The following EYS variants were observed in gnomAD, a reference collection of about 807,000 sequenced individuals.
The protein encoded by EYS is EGF-like photoreceptor maintenance factor, also known as protein eyes shut homolog.
EYS carries 250 observed loss-of-function variants against 282.1 expected under a neutral mutation model. That is an observed-to-expected ratio of 0.89 (90% confidence interval 0.80 to 0.98). The LOEUF is 0.98. Among genes scored for constraint, EYS ranks in the 50% least tolerant of loss-of-function variants. The pLI, the probability that EYS is intolerant of heterozygous loss-of-function variation, is 0.00. For missense variants in EYS, 4,016 were observed against 3,709.0 expected, an observed-to-expected ratio of 1.08 and a Z score of -2.15; for synonymous variants, 1,355 against 1,282.9, an observed-to-expected ratio of 1.06 and a Z score of -1.20.
chr6:63,751,575 TTACCTC>T (rs1330404224), intron 41 of EYS, among the ~76,000 whole-genome samples: 2 of 152,180 alleles, frequency 1.3e-5, no homozygotes, highest in African/African-American at 4.8e-5. Flanking sequence ...TGTTACGACT[TTACCTC>T]TCCATTTCAA....
chr6:64,790,113 C>G (rs980067860), intron 22 of EYS, among the ~76,000 whole-genome samples: 1 of 151,734 alleles, frequency 6.6e-6, no homozygotes. Context: ...AAGAAACTAA[C>G]AGGAATCTTT....
chr6:63,969,866 C>A (rs892284359), intron 35 of EYS, among the ~76,000 whole-genome samples: 10 of 152,154 alleles, frequency 6.6e-5, no homozygotes, highest in African/African-American at 2.4e-4. Context: ...AAGCTGTTAC[C>A]ACGTTTTTTA....
At chr6:64,293,555 A>G (rs1000511396) in intron 30 of EYS, among the ~76,000 whole-genome samples, 4 of 152,102 alleles carry the variant, frequency 2.6e-5, no homozygotes, top group Admixed American at 2.0e-4. Flanking sequence ...GTCCTGAGTC[A>G]TTATCCTTAT....
Position 65,020,168 on chromosome 6 carries a change from C to T in EYS, c.2138-22465G>A, listed in dbSNP as rs372222088. On this transcript the variant is annotated intron_variant, in intron 13 of 42. Transcript: ENST00000503581. Reference sequence around the variant, plus strand: ...CCTCACAATTTAAAACACAATCATGCCCTTACGATAGTACCCCAACATCTT... The same window carrying T: ...CCTCACAATTTAAAACACAATCATGTCCTTACGATAGTACCCCAACATCTT... Among the ~76,000 whole-genome samples, 21 of 152,222 alleles carry T rather than the reference C, an allele frequency of 1.4e-4. 1 individual carries two copies. The East Asian group carries it at 3.1e-3, about 23-fold the overall frequency.
chr6:64,626,973 A>G (rs1031850824), intron 22 of EYS, among the ~76,000 whole-genome samples: 6 of 152,186 alleles, frequency 3.9e-5, no homozygotes, highest in African/African-American at 1.4e-4. Flanking sequence ...ATAGATATGG[A>G]AAGAGTCAAT....
intron 22 of EYS, among the ~76,000 whole-genome samples, chr6:64,720,695 GA>G (rs934531089): frequency 4.1e-4 from 62 of 152,058 alleles, no homozygotes; most frequent in East Asian, 3.9e-4. Flanking sequence ...TAGTGAGGGG[GA>G]AAAAACAAAA....
chr6:64,930,142 T>C (rs568047890), intron 15 of EYS, among the ~76,000 whole-genome samples: 11 of 152,236 alleles, frequency 7.2e-5, no homozygotes, highest in African/African-American at 2.4e-4. Flanking sequence ...ATTACACTTA[T>C]AGTAATTTAT....
chr6:64,268,929 A>G (rs753253869), intron 30 of EYS, among the ~76,000 whole-genome samples: 1 of 152,144 alleles, frequency 6.6e-6, no homozygotes, highest in Non-Finnish European at 1.5e-5. Flanking sequence ...GGCATTGACA[A>G]CACTTTGCAA....
At chr6:63,868,158 C>T (rs1270018740) in intron 35 of EYS, among the ~76,000 whole-genome samples, 2 of 152,050 alleles carry the variant, frequency 1.3e-5, no homozygotes, top group African/African-American at 2.4e-5. Context: ...GGAAAAAATT[C>T]ACTCGGTCAT....
intron 28 of EYS, among the ~76,000 whole-genome samples, chr6:64,411,220 G>A (rs62418117): frequency 6.6e-6 from 1 of 151,828 alleles, no homozygotes; most frequent in South Asian, 2.1e-4. Flanking sequence ...ATAAAATAAT[G>A]GTTTATATTA....
At chr6:65,409,167 G>T (rs1212847503) in intron 5 of EYS, among the ~76,000 whole-genome samples, 2 of 152,158 alleles carry the variant, frequency 1.3e-5, no homozygotes, top group South Asian at 2.1e-4. Flanking sequence ...TGTACAGTGA[G>T]GTTTGGCACT....
chr6:65,027,109 T>C (rs1281024737), intron 13 of EYS, among the ~76,000 whole-genome samples: 1 of 151,982 alleles, frequency 6.6e-6, no homozygotes, highest in Admixed American at 6.6e-5. Flanking sequence ...TGTAAAGTAG[T>C]TTCAGAGTTG....
At chr6:64,794,226 A>AT (rs976058537) in intron 22 of EYS, among the ~76,000 whole-genome samples, 7 of 152,168 alleles carry the variant, frequency 4.6e-5, no homozygotes, top group South Asian at 2.1e-4. Context: ...CTCAAAGAGA[A>AT]TTTTTTTACC....
At chr6:65,434,550 C>G (rs553753011) in intron 5 of EYS, among the ~76,000 whole-genome samples, 11 of 152,086 alleles carry the variant, frequency 7.2e-5, no homozygotes, top group South Asian at 2.1e-4. Context: ...TCGATCTCCT[C>G]ACCTTGTGAT....
intron 28 of EYS, among the ~76,000 whole-genome samples, chr6:64,408,333 TAA>T (rs1186537302): frequency 6.6e-6 from 1 of 152,084 alleles, no homozygotes; most frequent in African/African-American, 2.4e-5. Flanking sequence ...AGAAAAACAT[TAA>T]GTCACACTAT....
At chr6:64,740,963 T>A (rs1337027354) in intron 22 of EYS, among the ~76,000 whole-genome samples, 1 of 152,118 alleles carries the variant, frequency 6.6e-6, no homozygotes, top group Non-Finnish European at 1.5e-5. Context: ...TCTGCCCATC[T>A]CGGCCTCCCA....
intron 12 of EYS, among the ~76,000 whole-genome samples, chr6:65,107,160 G>C (rs1581915538): frequency 6.6e-6 from 1 of 151,940 alleles, no homozygotes; most frequent in African/African-American, 2.4e-5. Context: ...CACTTTCCCC[G>C]ATTCCTTTAA....
In EYS at chr6:64,734,811, A is replaced by G. The variant is rs1424097302; in HGVS notation, c.3443+78567T>C. ...TCAGAAATAAAGAACAAAATCAAGA[A>G]CACTATGATTTTTCTTAATTTTAAT... On this transcript the variant is annotated intron_variant, in intron 22 of 42. Transcript: ENST00000503581. 2.0e-5 allele frequency among the ~76,000 whole-genome samples: 3 copies of G among 152,114 alleles called. 1 individual carries two copies. Among genetic ancestry groups the G allele is most frequent in the African/African-American group, 7.2e-5 (3 of 41,414 alleles).
intron 12 of EYS, among the ~76,000 whole-genome samples, chr6:65,142,031 C>T (rs548350057): frequency 5.5e-4 from 84 of 151,992 alleles, no homozygotes; most frequent in Non-Finnish European, 1.1e-3. Context: ...CTCCAGTACA[C>T]TATCATTAAC....
Sources: allele counts gnomAD v4.1 joint callset (sites outside exome capture counted in the v4.1 genomes callset), GRCh38; gene constraint gnomAD v4.1.1; transcripts MANE v1.5; gene names NCBI Gene and HGNC (gene_info 2026-07-23, HGNC 2026-07-21).